Variants in PDE7B observed in about 807,000 individuals in gnomAD.
PDE7B encodes 3',5'-cyclic-AMP phosphodiesterase 7B.
PDE7B carries 29 observed loss-of-function variants against 56.2 expected under a neutral mutation model. That is an observed-to-expected ratio of 0.52 (90% CI 0.38 to 0.70). The LOEUF (loss-of-function observed/expected upper bound fraction) is 0.70, where lower values mean the gene tolerates loss of function less well. Among genes scored for constraint, PDE7B ranks in the 30% least tolerant of loss-of-function variants. The pLI is 0.00. For synonymous variants in PDE7B, 197 were observed against 196.9 expected, an observed-to-expected ratio of 1.00 and a Z score of 0.00; for missense variants, 490 against 565.0, an observed-to-expected ratio of 0.87 and a Z score of 1.35.
chr6:136,003,030 A>G (rs986106860), intron 2 of PDE7B, among the ~76,000 whole-genome samples: 1 of 151,792 alleles, frequency 6.6e-6, no homozygotes, highest in African/African-American at 2.4e-5. Context: ...TCAAACTAGA[A>G]CTCAGGATTA....
chr6:136,105,288 G>T (rs1777628888), intron 2 of PDE7B, among the ~76,000 whole-genome samples: 1 of 152,168 alleles, frequency 6.6e-6, no homozygotes, highest in Non-Finnish European at 1.5e-5. Flanking sequence ...AGCAATCAAA[G>T]CATACATTAC....
At chr6:135,977,414 T>C (rs1775206297) in intron 2 of PDE7B, among the ~76,000 whole-genome samples, 1 of 152,060 alleles carries the variant, frequency 6.6e-6, no homozygotes, top group Non-Finnish European at 1.5e-5. Flanking sequence ...GAAACTTGAA[T>C]AGACTCCAGG....
chr6:135,958,186 C>T (rs991205404), intron 2 of PDE7B, among the ~76,000 whole-genome samples: 3 of 152,084 alleles, frequency 2.0e-5, no homozygotes, highest in Admixed American at 6.6e-5. Flanking sequence ...GAGCCTAGAT[C>T]GCGCCACTGC....
intron 1 of PDE7B, among the ~76,000 whole-genome samples, chr6:135,938,397 A>G (rs1174217343): frequency 1.3e-5 from 2 of 152,216 alleles, no homozygotes; most frequent in African/African-American, 4.8e-5. Flanking sequence ...TGAACTGTGT[A>G]TCAAGATTTG....
intron 1 of PDE7B, among the ~76,000 whole-genome samples, chr6:135,884,878 A>G (rs1329096246): frequency 6.6e-6 from 1 of 152,152 alleles, no homozygotes; most frequent in Admixed American, 6.6e-5. Flanking sequence ...TTTGAGTTAG[A>G]AGGGACTATA....
intron 9 of PDE7B, 34 bp from the exon 10 acceptor site, chr6:136,178,963 T>C: frequency 6.2e-7 from 1 of 1,612,070 alleles, no homozygotes; most frequent in South Asian, 1.1e-5. Context: ...ATTTGCTTTG[T>C]GTGTGTTTTT....
intron 2 of PDE7B, among the ~76,000 whole-genome samples, chr6:136,021,535 T>C (rs1271396920): frequency 6.6e-6 from 1 of 151,948 alleles, no homozygotes; most frequent in Non-Finnish European, 1.5e-5. Flanking sequence ...TCCCAGCTAC[T>C]TGGGGGGCTG....
At chr6:136,054,487 A>G (rs367991061) in intron 2 of PDE7B, among the ~76,000 whole-genome samples, 13 of 152,284 alleles carry the variant, frequency 8.5e-5, no homozygotes, top group South Asian at 2.1e-4. Context: ...GTCAGGTAGC[A>G]TGATGCCTCC....
chr6:135,865,639 G>C (rs1339665035), intron 1 of PDE7B, among the ~76,000 whole-genome samples: 1 of 149,056 alleles, frequency 6.7e-6, no homozygotes, highest in Non-Finnish European at 1.5e-5. Flanking sequence ...GTGTGTGTGT[G>C]TGTGTGTGTG....
chr6:136,053,868 T>G (rs1336532182), intron 2 of PDE7B, among the ~76,000 whole-genome samples: 2 of 152,210 alleles, frequency 1.3e-5, no homozygotes, highest in Non-Finnish European at 2.9e-5. Context: ...TTTTGAGAAG[T>G]GTCTGTTCAT....
intron 2 of PDE7B, among the ~76,000 whole-genome samples, chr6:136,047,154 A>G (rs941605108): frequency 6.6e-6 from 1 of 152,230 alleles, no homozygotes; most frequent in African/African-American, 2.4e-5. Context: ...AACTAGAAGC[A>G]TCAGCTAGAC....
At chr6:135,963,604 C>T (rs1283225060) in intron 2 of PDE7B, among the ~76,000 whole-genome samples, 1 of 151,968 alleles carries the variant, frequency 6.6e-6, no homozygotes, top group Non-Finnish European at 1.5e-5. Context: ...TGATTTGATT[C>T]GTCGTATTTT....
At chr6:136,006,873 T>C (rs1775794397) in intron 2 of PDE7B, among the ~76,000 whole-genome samples, 1 of 152,188 alleles carries the variant, frequency 6.6e-6, no homozygotes, top group South Asian at 2.1e-4. Flanking sequence ...CAGTTTGACT[T>C]CCTCTTTTCC....
At chr6:136,099,812 C>T (rs976518109) in intron 2 of PDE7B, among the ~76,000 whole-genome samples, 1 of 151,980 alleles carries the variant, frequency 6.6e-6, no homozygotes, top group Non-Finnish European at 1.5e-5. Flanking sequence ...CTTTTTTTGC[C>T]ATTGCTTTTG....
intron 2 of PDE7B, chr6:136,035,188 A>G (rs570187680): frequency 1.3e-5 from 2 of 152,018 alleles, no homozygotes; most frequent in Non-Finnish European, 2.9e-5. Context: ...CCCTTTCCCC[A>G]CCCTCAGTGA....
At chr6:135,966,128 A>C (rs1183245016) in intron 2 of PDE7B, among the ~76,000 whole-genome samples, 1 of 152,190 alleles carries the variant, frequency 6.6e-6, no homozygotes, top group African/African-American at 2.4e-5. Context: ...TAACATAGAA[A>C]GTTCAACTAG....
At chr6:136,037,613 T>C (rs1562476252) in intron 2 of PDE7B, 2 of 985,338 alleles carry the variant, frequency 2.0e-6, no homozygotes, top group African/African-American at 3.5e-5. Flanking sequence ...CAGCTTCCTC[T>C]GTTTTTTTGA....
At chr6:136,097,783 T>A (rs534179954) in intron 2 of PDE7B, among the ~76,000 whole-genome samples, 18 of 152,186 alleles carry the variant, frequency 1.2e-4, no homozygotes, top group Admixed American at 6.6e-4. Flanking sequence ...CCGTGTCTCA[T>A]CCCGCCGACC....
At chr6:135,906,806 G>GTTTTTTTTTTTTTTTTT (rs1383346069) in intron 1 of PDE7B, among the ~76,000 whole-genome samples, 1 of 32,434 alleles carries the variant, frequency 3.1e-5, no homozygotes, top group African/African-American at 1.3e-4. Flanking sequence ...TGTTAATGAG[G>GTTTTTTTTTTTTTTTTT]TTTGTTTTTT....
Sources: allele counts gnomAD v4.1 joint callset (sites outside exome capture counted in the v4.1 genomes callset), GRCh38; gene constraint gnomAD v4.1.1; transcripts MANE v1.5; gene names NCBI Gene and HGNC (gene_info 2026-07-23, HGNC 2026-07-21).